The following ALG12 variants were observed in gnomAD, a reference collection of about 807,000 sequenced individuals.
ALG12 encodes ALG12 alpha-1,6-mannosyltransferase, also known as dol-P-Man:Man(7)GlcNAc(2)-PP-Dol alpha-1,6-mannosyltransferase.
Under a neutral mutation model 46.0 loss-of-function variants are expected in ALG12, and 36 were observed. The ratio of observed to expected loss-of-function variants is 0.78; its 90% CI spans 0.60 to 1.03. ALG12 has a LOEUF of 1.03. Among genes scored for constraint, ALG12 ranks in the 50% least tolerant of loss-of-function variants. The pLI, the probability that ALG12 is intolerant of heterozygous loss-of-function variation, is 0.00. For synonymous variants in ALG12, 326 were observed against 291.6 expected, an observed-to-expected ratio of 1.12 and a Z score of -1.20; for missense variants, 599 against 633.5, an observed-to-expected ratio of 0.95 and a Z score of 0.58.
chr22:49,860,779 CTTT>C, the ALG12 span, among the ~76,000 whole-genome samples: 3 of 137,556 alleles, frequency 2.2e-5, no homozygotes, highest in Non-Finnish European at 3.2e-5. Flanking sequence ...TCTAAGCAAC[CTTT>C]TTTTTTTTTT....
At chr22:49,861,130 A>G in the ALG12 span, among the ~76,000 whole-genome samples, 1 of 152,144 alleles carries the variant, frequency 6.6e-6, no homozygotes, top group African/African-American at 2.4e-5. Flanking sequence ...AAACACACCC[A>G]CAACTCATTT....
At chr22:49,884,532 C>T in the ALG12 span, 1 of 1,614,084 alleles carries the variant, frequency 6.2e-7, no homozygotes, top group Non-Finnish European at 8.5e-7. Flanking sequence ...GGTCCGCTGT[C>T]TGGAAGCACT....
At chr22:49,878,625 G>A in the ALG12 span, among the ~76,000 whole-genome samples, 1 of 152,192 alleles carries the variant, frequency 6.6e-6, no homozygotes, top group African/African-American at 2.4e-5. Context: ...CAACACAGAA[G>A]AAAGTCTTTG....
At chr22:49,859,449 C>T in the ALG12 span, among the ~76,000 whole-genome samples, 1 of 152,126 alleles carries the variant, frequency 6.6e-6, no homozygotes, top group African/African-American at 2.4e-5. Flanking sequence ...GTCCTTTTCA[C>T]TCCATACGTG....
In ALG12 at chr22:49,900,871, A is replaced by G. The variant is rs937442097; in HGVS notation, c.*2967T>C. 8 of 152,360 alleles carry G rather than the reference A, an allele frequency of 5.3e-5. No homozygotes were observed. The highest frequency in any genetic ancestry group is 1.9e-4 in the African/African-American group (8 of 41,474). The allele number at this position is 152,360 out of a possible 1,614,324, so 9.4% of individuals were successfully genotyped here. A position where few individuals can be genotyped will look rare whatever the true frequency, so the allele number is the denominator to read the frequency against. Reference sequence around the variant, plus strand: ...CCTAGCCTGTCCACAGAAAGGGCCTAAAGCTCAGGCACCCCGTGGCATCGA... The same window carrying G: ...CCTAGCCTGTCCACAGAAAGGGCCTGAAGCTCAGGCACCCCGTGGCATCGA... On this transcript the variant is annotated 3_prime_UTR_variant, in exon 10 of 10. Coordinates refer to ENST00000330817, the MANE Select transcript of ALG12 (RefSeq NM_024105.4).
At chr22:49,910,154 G>A (rs1037405427) in intron 4 of ALG12, 66 bp from the exon 5 acceptor site, 1 of 1,486,858 alleles carries the variant, frequency 6.7e-7, no homozygotes, top group Non-Finnish European at 9.1e-7. Flanking sequence ...AAACACCCGG[G>A]GAAGTGAAGG....
chr22:49,887,314 C>T, the ALG12 span: 1 of 930,074 alleles, frequency 1.1e-6, no homozygotes, highest in African/African-American at 1.7e-5. Context: ...TCCAGCTCAC[C>T]ACAGTGTCTC....
At chr22:49,909,867 A>G (rs9616367) in intron 5 of ALG12, 27 bp downstream of exon 5, 31 of 1,613,778 alleles carry the variant, frequency 1.9e-5, no homozygotes, top group Non-Finnish European at 2.0e-5. Context: ...AAATCCAGTT[A>G]GAAGCATCCC....
the ALG12 span, chr22:49,884,164 G>A: frequency 9.2e-5 from 149 of 1,612,666 alleles, 1 homozygote; most frequent in South Asian, 1.2e-3. Context: ...ACACCCGACC[G>A]TGCTCATTCA....
At chr22:49,859,367 G>A in the ALG12 span, among the ~76,000 whole-genome samples, 2 of 152,042 alleles carry the variant, frequency 1.3e-5, no homozygotes, top group South Asian at 2.1e-4. Context: ...ATCTAGTAAA[G>A]CCTTTTGTTT....
At position 49,904,000 on chromosome 22, in the gene ALG12, C is replaced by T; in HGVS notation, c.1305G>A (p.Glu435=). The change falls in exon 10 of 10, where the codon GAG becomes GAA. Residue 435 remains glutamate, a synonymous_variant. Coordinates refer to ENST00000330817, the MANE Select transcript of ALG12 (RefSeq NM_024105.4). Reference sequence around the variant, plus strand: ...AGAGGGCCAGGAGCCCAGGGGCCGCCTCCATGAGGATGTGTGTGTATGCCA... The same window carrying T: ...AGAGGGCCAGGAGCCCAGGGGCCGCTTCCATGAGGATGTGTGTGTATGCCA... ...GMLAYTHILM[E]AAPGLLALYR... The T allele has an allele frequency of 1.9e-6, 3 of 1,614,192 alleles. No individual in the cohort carries two copies. Among genetic ancestry groups the T allele is most frequent in the African/African-American group, 1.3e-5 (1 of 75,052 alleles).
chr22:49,902,345 GT>G lies in ALG12; in HGVS notation c.*1492del, dbSNP rs2060515447. Reference sequence around the variant, plus strand: ...GGTAATGTGCACGTGTGCACTGTGTGTGGTGTGTATGCATGGTGTGTGCACG... The same window carrying G: ...GGTAATGTGCACGTGTGCACTGTGTGGGTGTGTATGCATGGTGTGTGCACG... On this transcript the variant is annotated 3_prime_UTR_variant, in exon 10 of 10. Coordinates refer to ENST00000330817, the MANE Select transcript of ALG12 (RefSeq NM_024105.4). 2.1e-5 allele frequency: 3 copies of G among 140,796 alleles called. 1 individual carries two copies. The highest frequency in any genetic ancestry group is 4.6e-5 in the Non-Finnish European group (3 of 65,112). 8.7% of individuals were successfully genotyped at this position (140,796 alleles called of 1,614,324 possible).
chr22:49,885,524 G>C, the ALG12 span: 2 of 1,608,690 alleles, frequency 1.2e-6, no homozygotes, highest in Admixed American at 1.7e-5. Context: ...GAGACGGCTC[G>C]GCCCTCCTCT....
chr22:49,885,333 C>G, the ALG12 span: 1 of 1,589,714 alleles, frequency 6.3e-7, no homozygotes. Context: ...CTGTTAATAG[C>G]AAAAAGACCT....
chr22:49,870,100 G>C, the ALG12 span, among the ~76,000 whole-genome samples: 1 of 152,142 alleles, frequency 6.6e-6, no homozygotes, highest in African/African-American at 2.4e-5. Flanking sequence ...TCCTGTGTTT[G>C]TTCACTTAGG....
At chr22:49,861,889 G>A in the ALG12 span, among the ~76,000 whole-genome samples, 3 of 152,186 alleles carry the variant, frequency 2.0e-5, no homozygotes, top group African/African-American at 4.8e-5. Flanking sequence ...AGGTCTGTTC[G>A]TAGCGTGTGG....
chr22:49,865,935 C>G, the ALG12 span, among the ~76,000 whole-genome samples: 3 of 150,630 alleles, frequency 2.0e-5, no homozygotes, highest in Admixed American at 1.3e-4. Context: ...TGGTCTCAAA[C>G]TCCCAGCTTC....
chr22:49,901,936 T>A lies in ALG12; in HGVS notation c.*1902A>T, dbSNP rs1569171475. ...AATGTGCACGCATGCACTGTGTGTA[T>A]GCACGGTAATGTGCACGTGTGCACT... is the stretch of plus-strand genomic sequence containing the variant. On this transcript the variant is annotated 3_prime_UTR_variant, in exon 10 of 10. Transcript: ENST00000330817. 1.5e-5 allele frequency: 2 copies of A among 135,742 alleles called. No homozygotes were observed. Among genetic ancestry groups the A allele is most frequent in the Admixed American group, 1.4e-4 (2 of 13,974 alleles). 8.4% of individuals were successfully genotyped at this position (135,742 alleles called of 1,614,324 possible).
In ALG12 at chr22:49,906,751, C is replaced by A. The variant is rs933827944; in HGVS notation, c.992+970G>T. 6.6e-6 allele frequency among the ~76,000 whole-genome samples: 1 copy of A among 152,214 alleles called. No individual in the cohort carries two copies. Among genetic ancestry groups the A allele is most frequent in the Non-Finnish European group, 1.5e-5 (1 of 68,032 alleles). On this transcript the variant is annotated intron_variant, in intron 7 of 9. Coordinates refer to ENST00000330817, the MANE Select transcript of ALG12 (RefSeq NM_024105.4). The surrounding 1 kb of genome is among the most constrained non-coding windows in gnomAD (Gnocchi z 4.4). ...TGGCCTCCTGTTCCCATCAAGGCAG[C>A]AAACTCTGAACGGGCACAGAGCTGG...
Sources: allele counts gnomAD v4.1 joint callset (sites outside exome capture counted in the v4.1 genomes callset), GRCh38; gene constraint gnomAD v4.1.1; non-coding constraint Gnocchi (gnomAD v3.1); transcripts MANE v1.5; gene names NCBI Gene and HGNC (gene_info 2026-07-23, HGNC 2026-07-21).